The following RANBP2 variants were observed in gnomAD, a reference collection of about 807,000 sequenced individuals.
RANBP2 encodes the protein RAN binding protein 2.
RANBP2 carries 57 observed loss-of-function variants against 303.6 expected under a neutral mutation model. The observed-to-expected ratio is 0.19, with a 90% confidence interval of 0.15 to 0.23. The LOEUF is 0.23. RANBP2 is among the 10% of genes least tolerant of loss of function. The pLI, the probability that RANBP2 is intolerant of heterozygous loss-of-function variation, is 1.00. For synonymous variants in RANBP2, 1,167 were observed against 1,301.5 expected, an observed-to-expected ratio of 0.90 and a Z score of 2.23; for missense variants, 3,138 against 3,780.8, an observed-to-expected ratio of 0.83 and a Z score of 4.46.
At chr2:109,521,251 G>A in the RANBP2 span, among the ~76,000 whole-genome samples, 1 of 151,802 alleles carries the variant, frequency 6.6e-6, no homozygotes, top group Non-Finnish European at 1.5e-5. Context: ...TGTTGAAAAT[G>A]CTGAAGAGAA....
At chr2:108,841,513 A>C in the RANBP2 span, among the ~76,000 whole-genome samples, 3,030 of 152,078 alleles carry the variant, frequency 0.02, 98 homozygotes, top group African/African-American at 0.07. Flanking sequence ...CTATCTCTGA[A>C]CATTTGCATT....
At chr2:109,339,397 C>T in the RANBP2 span, among the ~76,000 whole-genome samples, 1 of 151,964 alleles carries the variant, frequency 6.6e-6, no homozygotes, top group African/African-American at 2.4e-5. Context: ...GCCTTTAGTC[C>T]CCTCCTTCTC....
chr2:108,896,575 C>G, the RANBP2 span: 1 of 283,662 alleles, frequency 3.5e-6, no homozygotes, highest in African/African-American at 2.1e-5. Flanking sequence ...TTCTGTCATT[C>G]CCACGGGGTT....
At chr2:109,571,950 A>G in the RANBP2 span, among the ~76,000 whole-genome samples, 48,586 of 152,062 alleles carry the variant, frequency 0.32, 7,996 homozygotes, top group Admixed American at 0.42. Flanking sequence ...CAGTTACCTC[A>G]AATACCAATA....
intron 18 of RANBP2, among the ~76,000 whole-genome samples, chr2:108,759,541 A>C (rs1173796328): frequency 6.6e-6 from 1 of 152,220 alleles, no homozygotes; most frequent in Non-Finnish European, 1.5e-5. Context: ...AATCTAGTTT[A>C]GATGAGCACA....
At chr2:108,769,749 G>A (rs879226861) in intron 20 of RANBP2, among the ~76,000 whole-genome samples, 20 of 151,972 alleles carry the variant, frequency 1.3e-4, no homozygotes, top group Admixed American at 6.5e-4. Context: ...AATGGACCCC[G>A]TTTTTAACAG....
the RANBP2 span, among the ~76,000 whole-genome samples, chr2:109,777,128 TGAAAG>T: frequency 2.9e-5 from 3 of 102,994 alleles, no homozygotes; most frequent in Non-Finnish European, 4.0e-5. Flanking sequence ...TTTCTCATCT[TGAAAG>T]GAAAGCTTTG....
At chr2:109,193,381 G>A in the RANBP2 span, among the ~76,000 whole-genome samples, 1 of 152,192 alleles carries the variant, frequency 6.6e-6, no homozygotes, top group African/African-American at 2.4e-5. Flanking sequence ...TGTAGCCATC[G>A]CCACAGTCAA....
the RANBP2 span, chr2:109,615,536 C>G: frequency 6.2e-7 from 1 of 1,613,960 alleles, no homozygotes; most frequent in African/African-American, 1.3e-5. Flanking sequence ...ACTTGGCAGC[C>G]ATGCACGGCC....
the RANBP2 span, among the ~76,000 whole-genome samples, chr2:109,062,700 G>A: frequency 6.6e-6 from 1 of 152,138 alleles, no homozygotes; most frequent in Non-Finnish European, 1.5e-5. Flanking sequence ...AATCCTCATG[G>A]ACAGTGCCCT....
the RANBP2 span, among the ~76,000 whole-genome samples, chr2:109,056,724 A>G: frequency 1.2e-3 from 182 of 152,354 alleles, no homozygotes; most frequent in Non-Finnish European, 1.9e-3. Flanking sequence ...TGTAAGCCCC[A>G]TAAGAGTGAA....
chr2:108,720,001 G>A (rs1694098912), intron 1 of RANBP2: 2 of 985,228 alleles, frequency 2.0e-6, no homozygotes, highest in Admixed American at 6.2e-5. Context: ...GTACCCGCGC[G>A]GCCTAGTTCT....
At chr2:109,437,466 A>T in the RANBP2 span, among the ~76,000 whole-genome samples, 2 of 152,202 alleles carry the variant, frequency 1.3e-5, no homozygotes, top group African/African-American at 4.8e-5. Flanking sequence ...ATATTTACAC[A>T]TTTCATTGTG....
chr2:109,238,450 TG>T, the RANBP2 span, among the ~76,000 whole-genome samples: 27 of 704 alleles, frequency 0.038, no homozygotes, highest in East Asian at 0.33. Flanking sequence ...TATGTATATT[TG>T]TGTGTGTGTG....
At chr2:109,658,701 C>A in the RANBP2 span, among the ~76,000 whole-genome samples, 3 of 151,262 alleles carry the variant, frequency 2.0e-5, no homozygotes, top group African/African-American at 7.3e-5. Flanking sequence ...CTGAGGGGGG[C>A]CAGATCACGA....
chr2:108,781,517 T>C, intron 26 of RANBP2, 88 bp downstream of exon 26: 1 of 1,296,394 alleles, frequency 7.7e-7, no homozygotes, highest in East Asian at 2.4e-5. Flanking sequence ...GTATAATTGT[T>C]TGCATTTAAG....
chr2:109,090,339 CA>C, the RANBP2 span, among the ~76,000 whole-genome samples: 3 of 149,002 alleles, frequency 2.0e-5, no homozygotes, highest in African/African-American at 5.0e-5. Flanking sequence ...CACACACACA[CA>C]CACACACACA....
At chr2:109,125,245 G>A in the RANBP2 span, among the ~76,000 whole-genome samples, 2 of 152,164 alleles carry the variant, frequency 1.3e-5, no homozygotes, top group Non-Finnish European at 2.9e-5. Context: ...GTGTGGTGGG[G>A]GAGGGGCAGC....
chr2:109,530,173 A>C, the RANBP2 span, among the ~76,000 whole-genome samples: 1 of 152,162 alleles, frequency 6.6e-6, no homozygotes, highest in Non-Finnish European at 1.5e-5. Context: ...TTGCCCTCAG[A>C]GTGGCCAGAA....
Sources: gnomAD v4.1 joint callset for allele counts (sites outside exome capture counted in the v4.1 genomes callset) on GRCh38, gnomAD v4.1.1 for gene constraint, MANE v1.5 for transcripts, NCBI Gene and HGNC (gene_info 2026-07-23, HGNC 2026-07-21) for gene names.